Variants in CREB5 observed in about 807,000 individuals in gnomAD.
The protein encoded by CREB5 is cAMP responsive element binding protein 5, also known as cyclic AMP-responsive element-binding protein 5.
CREB5 carries 19 observed loss-of-function variants against 57.1 expected under a neutral mutation model. The observed-to-expected ratio is 0.33, with a 90% CI of 0.23 to 0.49. CREB5 has a LOEUF of 0.49. Ranked by LOEUF, CREB5 falls within the 20% of genes least tolerant of loss-of-function variation. CREB5 has a pLI of 0.99. For synonymous variants in CREB5, 238 were observed against 238.3 expected, an observed-to-expected ratio of 1.00 and a Z score of 0.01; for missense variants, 579 against 671.6, an observed-to-expected ratio of 0.86 and a Z score of 1.52.
rs71555758 is a variant in CREB5, at chr7:28,658,941, ATG to A, written c.465-59800_465-59799del. Among the ~76,000 whole-genome samples, 12 of 117,482 alleles carry A rather than the reference ATG, an allele frequency of 1.0e-4. 1 individual carries two copies. Among genetic ancestry groups the A allele is most frequent in the African/African-American group, 1.8e-4 (5 of 28,568 alleles). 77.1% of individuals were successfully genotyped at this position (117,482 alleles called of 152,430 possible). A position where few individuals can be genotyped will look rare whatever the true frequency, so the allele number is the denominator to read the frequency against. ...TTTAAATCATTGCACTAAATATTAT[ATG>A]TGTGTGTGTGTATATATATATATAT... On this transcript the variant is annotated intron_variant, in intron 5 of 10. Coordinates refer to ENST00000357727, the MANE Select transcript of CREB5 (RefSeq NM_182898.4).
At chr7:28,440,006 G>A (rs1789118987) in intron 1 of CREB5, among the ~76,000 whole-genome samples, 1 of 152,134 alleles carries the variant, frequency 6.6e-6, no homozygotes. Context: ...GCTGGAACAG[G>A]CTCATCTTTC....
chr7:28,818,935 T>C lies in CREB5; in HGVS notation c.1364-181T>C, dbSNP rs1238332849. On this transcript the variant is annotated intron_variant, in intron 10 of 10. Transcript: ENST00000357727. The stretch of plus-strand genomic sequence containing the variant: ...CTCGTAGATATAAACTGGAAAGGCA[T>C]AGCATTGTGACAACAGTTGAAAATA... 3 of 666,366 alleles carry C rather than the reference T, an allele frequency of 4.5e-6. No individual in the cohort carries two copies. In the African/African-American group the frequency reaches 5.5e-5, roughly 12 times the overall value. 41.3% of individuals were successfully genotyped at this position (666,366 alleles called of 1,614,324 possible).
At chr7:28,634,991 T>C (rs909974623) in intron 5 of CREB5, among the ~76,000 whole-genome samples, 12 of 152,252 alleles carry the variant, frequency 7.9e-5, no homozygotes, top group Non-Finnish European at 1.5e-4. Flanking sequence ...TACAAGAAAT[T>C]TGGAGGCAGG....
chr7:28,428,759 A>G (rs960384417), intron 1 of CREB5, among the ~76,000 whole-genome samples: 1 of 152,158 alleles, frequency 6.6e-6, no homozygotes, highest in African/African-American at 2.4e-5. Flanking sequence ...AGATAGAGTT[A>G]GAATCAGGAT....
At chr7:28,406,510 G>A (rs1787582768) in intron 1 of CREB5, among the ~76,000 whole-genome samples, 1 of 152,210 alleles carries the variant, frequency 6.6e-6, no homozygotes, top group African/African-American at 2.4e-5. Flanking sequence ...TTGGGTGGGT[G>A]GTACCCCAGC....
chr7:28,582,142 A>C (rs1443706413), intron 5 of CREB5, among the ~76,000 whole-genome samples: 1 of 152,222 alleles, frequency 6.6e-6, no homozygotes, highest in African/African-American at 2.4e-5. Flanking sequence ...TTTTTATAAA[A>C]GGTGACAAAA....
chr7:28,459,916 G>T (rs1790282018), intron 1 of CREB5, among the ~76,000 whole-genome samples: 1 of 152,170 alleles, frequency 6.6e-6, no homozygotes, highest in Non-Finnish European at 1.5e-5. Flanking sequence ...TTTTATAGAT[G>T]AGGAAAACAA....
intron 4 of CREB5, among the ~76,000 whole-genome samples, chr7:28,546,855 A>G (rs78701939): frequency 0.11 from 17,119 of 152,218 alleles, 1,071 homozygotes; most frequent in East Asian, 0.25. Flanking sequence ...CCTCATTTAT[A>G]AAGTGTGTTT....
chr7:28,371,153 G>C (rs1324486110), intron 1 of CREB5, among the ~76,000 whole-genome samples: 1 of 152,164 alleles, frequency 6.6e-6, no homozygotes, highest in African/African-American at 2.4e-5. Context: ...AACCAGAAGA[G>C]GTAAAGAGAC....
At chr7:28,362,659 A>G (rs968797944) in intron 1 of CREB5, among the ~76,000 whole-genome samples, 10 of 152,352 alleles carry the variant, frequency 6.6e-5, no homozygotes, top group African/African-American at 2.4e-4. Flanking sequence ...ATTGAATTGT[A>G]TGAGCTGTAA....
intron 4 of CREB5, among the ~76,000 whole-genome samples, chr7:28,541,299 G>A (rs1034916026): frequency 3.9e-5 from 6 of 152,076 alleles, no homozygotes; most frequent in Admixed American, 1.3e-4. Context: ...AGAAGTCATC[G>A]ACCATATATT....
chr7:28,686,132 C>A (rs771658847), intron 5 of CREB5: 1 of 1,613,624 alleles, frequency 6.2e-7, no homozygotes. Context: ...ATTCTACACA[C>A]ACTCATTCCA....
At chr7:28,525,595 GA>G (rs543828345) in intron 4 of CREB5, among the ~76,000 whole-genome samples, 1 of 151,618 alleles carries the variant, frequency 6.6e-6, no homozygotes, top group Admixed American at 6.6e-5. Flanking sequence ...TGAGCATTTT[GA>G]AAAAAAATGT....
chr7:28,782,699 A>C (rs1807059912), intron 7 of CREB5, among the ~76,000 whole-genome samples: 2 of 152,198 alleles, frequency 1.3e-5, no homozygotes, highest in Admixed American at 1.3e-4. Context: ...AAAAAGAGCT[A>C]ACATTAAGGA....
At chr7:28,431,585 A>G (rs542595379) in intron 1 of CREB5, among the ~76,000 whole-genome samples, 7 of 152,268 alleles carry the variant, frequency 4.6e-5, no homozygotes, top group African/African-American at 1.7e-4. Flanking sequence ...TTGGAGGTAA[A>G]CAAAGGTCAG....
chr7:28,814,512 C>T (rs1302121949), intron 9 of CREB5, among the ~76,000 whole-genome samples: 4 of 152,104 alleles, frequency 2.6e-5, no homozygotes, highest in African/African-American at 9.7e-5. Context: ...GAACTGGCTC[C>T]CTTATGAAAG....
chr7:28,327,010 G>T (rs530884775), intron 1 of CREB5, among the ~76,000 whole-genome samples: 2 of 151,970 alleles, frequency 1.3e-5, no homozygotes, highest in East Asian at 1.9e-4. Flanking sequence ...TTAGCCGGGC[G>T]TGGTGGCAGA....
At chr7:28,810,680 G>A (rs955425691) in intron 9 of CREB5, among the ~76,000 whole-genome samples, 4 of 134,822 alleles carry the variant, frequency 3.0e-5, no homozygotes, top group African/African-American at 1.2e-4. Context: ...TGGGCAACAG[G>A]GTGAGACTGT....
Position 28,570,373 on chromosome 7 carries a change from G to C in CREB5, c.300G>C (p.Ser100=). Residue 100 remains serine, a synonymous_variant, in exon 5 of 11, where the codon TCG becomes TCC. Transcript: ENST00000357727. ...GTGTCTTCTCTGGGCAGAATATCTCGATGCATAATGCAGTTGGTGGGGCCA... is the reference window on the plus strand; with the variant it reads ...GTGTCTTCTCTGGGCAGAATATCTCCATGCATAATGCAGTTGGTGGGGCCA... ...QEEESSKRNI[S]MHNAVGGAMT... 1.2e-6 allele frequency: 2 copies of C among 1,612,768 alleles called. No homozygotes were observed. The highest frequency in any genetic ancestry group is 1.7e-6 in the Non-Finnish European group (2 of 1,179,082).
Sources: gnomAD v4.1 joint callset for allele counts (sites outside exome capture counted in the v4.1 genomes callset) on GRCh38, gnomAD v4.1.1 for gene constraint, MANE v1.5 for transcripts, NCBI Gene and HGNC (gene_info 2026-07-23, HGNC 2026-07-21) for gene names.